ZFYVE19: variants seen among roughly 807,000 people sequenced by gnomAD.
The protein encoded by ZFYVE19 is abscission/NoCut checkpoint regulator.
Under a neutral mutation model 62.8 loss-of-function variants are expected in ZFYVE19, and 49 were observed. That is an observed-to-expected ratio of 0.78 (90% CI 0.62 to 0.99). The LOEUF (loss-of-function observed/expected upper bound fraction) is 0.99. Among genes scored for constraint, ZFYVE19 ranks in the 50% least tolerant of loss-of-function variants. The pLI is 0.00. For synonymous variants in ZFYVE19, 242 were observed against 234.3 expected (o/e 1.03, Z -0.30); for missense variants, 630 against 601.9 (o/e 1.05, Z -0.49).
chr15:40,812,597 T>A (rs1387329575), intron 6 of ZFYVE19, 102 bp from the exon 7 acceptor site: 5 of 806,650 alleles, frequency 6.2e-6, no homozygotes, highest in Non-Finnish European at 7.4e-6. Flanking sequence ...AAGAAAAAAT[T>A]ATTAAAGAAA....
chr15:40,808,407 A>G, intron 1 of ZFYVE19: 1 of 1,593,242 alleles, frequency 6.3e-7, no homozygotes, highest in Non-Finnish European at 8.5e-7. Flanking sequence ...GTGGCCAGGG[A>G]TTCTGACCAG....
chr15:40,813,828 A>T lies in ZFYVE19; in HGVS notation c.1209+17A>T. 6.2e-7 allele frequency: 1 copy of T among 1,610,228 alleles called. No individual in the cohort carries two copies. The highest frequency in any genetic ancestry group is 8.5e-7 in the Non-Finnish European group (1 of 1,178,400). On this transcript the variant is annotated intron_variant, in intron 9 of 10. Transcript: ENST00000355341. ...GAGCCTGAGGTGAGAAAAGCCCCAG[A>T]TGCAGACCCCCAGGCTCCCCCCAGC...
Position 40,814,198 on chromosome 15 carries a change from C to G in ZFYVE19, c.1388C>G (p.Ser463Cys). The change falls in exon 11 of 11, where the codon TCT becomes TGT. Residue 463 changes from serine (S) to cysteine (C), a missense_variant. Coordinates refer to ENST00000355341, the MANE Select transcript of ZFYVE19 (RefSeq NM_001077268.2). ...ELKEHQTSAY[S>C]PPRAGQEH The stretch of plus-strand genomic sequence containing the variant: ...AAAGAGCACCAGACATCTGCCTACT[C>G]TCCTCCACGTGCAGGCCAAGAGCAC... 1.2e-6 allele frequency: 2 copies of G among 1,614,238 alleles called. No individual in the cohort carries two copies. Among genetic ancestry groups the G allele is most frequent in the Non-Finnish European group, 1.7e-6 (2 of 1,180,048 alleles).
In ZFYVE19 at chr15:40,807,432, C is replaced by T. The variant is rs1464759761; in HGVS notation, c.-158C>T. 1.2e-5 allele frequency: 20 copies of T among 1,614,258 alleles called. No homozygotes were observed. The highest frequency in any genetic ancestry group is 1.6e-4 in the Middle Eastern group (1 of 6,062). ...CGTACAGGTCCATCTGTAAGAGCTC[C>T]TTGGTCACTGCCATGGTTCCGGCCT... On this transcript the variant is annotated 5_prime_UTR_variant, in exon 1 of 11. Transcript: ENST00000355341.
intron 6 of ZFYVE19, 37 bp downstream of exon 6, chr15:40,810,794 A>ACCTCTTTC: frequency 6.5e-7 from 1 of 1,550,330 alleles, no homozygotes; most frequent in Non-Finnish European, 8.7e-7. Context: ...AATCTGCCCT[A>ACCTCTTTC]CCTCTTTCCC....
chr15:40,813,181 C>G (rs1000592597), intron 7 of ZFYVE19, 157 bp from the exon 8 acceptor site: 3 of 715,716 alleles, frequency 4.2e-6, no homozygotes, highest in Non-Finnish European at 7.0e-6. Context: ...CTGGGGCAGG[C>G]AGGGACAGGT....
chr15:40,807,652 G>T lies in ZFYVE19; in HGVS notation c.63G>T (p.Ala21=), dbSNP rs779931651. 2.5e-5 allele frequency: 41 copies of T among 1,612,682 alleles called. No individual in the cohort carries two copies. The highest frequency in any genetic ancestry group is 7.6e-6 in the Non-Finnish European group (9 of 1,179,794). Residue 21 remains alanine (A), a synonymous_variant, in exon 1 of 11, where the codon GCG becomes GCT. Transcript: ENST00000355341. ...TGCCGTACGCTGGCTGCAGGAGAGC[G>T]TCCGGATTCCCTGCTCTAGGTCGCG... is the stretch of plus-strand genomic sequence containing the variant. ...PPLPYAGCRR[A]SGFPALGRGG... is the part of the protein sequence containing the mutation.
intron 1 of ZFYVE19, chr15:40,808,343 A>C (rs1890347134): frequency 6.3e-7 from 1 of 1,597,524 alleles, no homozygotes; most frequent in African/African-American, 1.3e-5. Flanking sequence ...TCCTGTCCCT[A>C]TCACAGACCT....
intron 1 of ZFYVE19, 137 bp downstream of exon 1, chr15:40,808,005 C>A: frequency 8.3e-7 from 1 of 1,208,272 alleles, no homozygotes; most frequent in Non-Finnish European, 1.2e-6. Flanking sequence ...CCTCAGTTTC[C>A]ATTTCTGTAA....
At chr15:40,808,986 C>A in intron 1 of ZFYVE19, 133 bp from the exon 2 acceptor site, 1 of 1,369,792 alleles carries the variant, frequency 7.3e-7, no homozygotes, top group Non-Finnish European at 1.0e-6. Context: ...GCCTTAGGGG[C>A]CCCACTCCTC....
rs765982106 is a variant in ZFYVE19, at chr15:40,807,798, C to G, written c.209C>G (p.Ala70Gly). ...GRRDLSSADP[A>G]VLGATMESRC... ...CGTGATCTCAGCTCTGCAGACCCTG[C>G]GGTGCTGGGAGCCACCATGGAGAGT... is the stretch of plus-strand genomic sequence containing the variant. The change falls in exon 1 of 11, where the codon GCG (alanine) becomes GGG (glycine). Residue 70 changes from alanine (A) to glycine (G), a missense_variant. Transcript: ENST00000355341. The G allele has an allele frequency of 7.0e-6, 11 of 1,562,378 alleles. No homozygotes were observed. Among genetic ancestry groups the G allele is most frequent in the Non-Finnish European group, 9.5e-6 (11 of 1,159,854 alleles).
At chr15:40,811,045 G>A (rs1200142347) in intron 6 of ZFYVE19, 2 of 357,528 alleles carry the variant, frequency 5.6e-6, no homozygotes, top group Non-Finnish European at 1.1e-5. Context: ...TAAAATGAAG[G>A]TATGTATGGA....
At position 40,809,126 on chromosome 15, in the gene ZFYVE19, G is replaced by C. The variant is rs971052881; in HGVS notation, c.287G>C (p.Cys96Ser). ...GCTTCATGTTTCTTGTAGTACGGCT[G>C]TAAGAATTGTGGCAGGGCCTTCTGT... Reference protein sequence around the residue: ...KFTLFKKEYGCKNCGRAFCSG... With the variant: ...KFTLFKKEYGSKNCGRAFCSG... The change falls in exon 2 of 11, where the codon TGT becomes TCT. Residue 96 changes from cysteine (C) to serine (S), a missense_variant. Physicochemically the swap from Cys to Ser is moderately radical, Grantham distance 112. Coordinates refer to ENST00000355341, the MANE Select transcript of ZFYVE19 (RefSeq NM_001077268.2). 2 of 1,614,078 alleles carry C rather than the reference G, an allele frequency of 1.2e-6. No individual in the cohort carries two copies. Among genetic ancestry groups the C allele is most frequent in the Non-Finnish European group, 1.7e-6 (2 of 1,179,922 alleles).
intron 5 of ZFYVE19, 40 bp from the exon 6 acceptor site, chr15:40,810,609 G>A (rs185032983): frequency 5.2e-6 from 8 of 1,550,910 alleles, no homozygotes; most frequent in Non-Finnish European, 6.1e-6. Flanking sequence ...CTGCTTCTGG[G>A]CTACCCCTGC....
chr15:40,810,657 C>T lies in ZFYVE19; in HGVS notation c.726C>T (p.His242=). ...LPSQTPQPAH[H]TPDTRTQAQQ... ...TTTCCTCGTCTGTGCAGGCACATCA[C>T]ACACCGGACACCAGGACCCAAGCCC... The change falls in exon 6 of 11, where the codon CAC becomes CAT. Residue 242 remains histidine (H), a synonymous_variant. Transcript: ENST00000355341. 3.8e-6 allele frequency: 6 copies of T among 1,567,934 alleles called. No homozygotes were observed. Among genetic ancestry groups the T allele is most frequent in the Non-Finnish European group, 5.2e-6 (6 of 1,156,126 alleles).
intron 9 of ZFYVE19, 28 bp downstream of exon 9, chr15:40,813,839 C>T (rs537765354): frequency 6.2e-7 from 1 of 1,606,934 alleles, no homozygotes; most frequent in African/African-American, 1.3e-5. Context: ...TGCAGACCCC[C>T]AGGCTCCCCC....
chr15:40,810,605 C>G, intron 5 of ZFYVE19, 44 bp from the exon 6 acceptor site: 1 of 1,550,338 alleles, frequency 6.5e-7, no homozygotes, highest in South Asian at 1.2e-5. Context: ...TAGACTGCTT[C>G]TGGGCTACCC....
At chr15:40,811,457 G>A (rs78702827) in intron 6 of ZFYVE19, among the ~76,000 whole-genome samples, 1 of 152,190 alleles carries the variant, frequency 6.6e-6, no homozygotes, top group Admixed American at 6.5e-5. Context: ...AGCCAGGGAT[G>A]CTACTAAATC....
chr15:40,814,267 C>T lies in ZFYVE19; in HGVS notation c.*41C>T, dbSNP rs766999595. 10 of 1,608,802 alleles carry T rather than the reference C, an allele frequency of 6.2e-6. No homozygotes were observed. The highest frequency in any genetic ancestry group is 2.7e-5 in the African/African-American group (2 of 74,836). On this transcript the variant is annotated 3_prime_UTR_variant, in exon 11 of 11. Coordinates refer to ENST00000355341, the MANE Select transcript of ZFYVE19 (RefSeq NM_001077268.2). ...CCCGGAAGGGCAGTCCCACAGGCAG[C>T]GGCACCCATTTCTGGGCCCAGCCAC... is the stretch of plus-strand genomic sequence containing the variant.
Sources: gnomAD v4.1 joint callset for allele counts (sites outside exome capture counted in the v4.1 genomes callset) on GRCh38, gnomAD v4.1.1 for gene constraint, MANE v1.5 for transcripts, NCBI Gene and HGNC (gene_info 2026-07-23, HGNC 2026-07-21) for gene names.